Variants in LLGL2 observed in about 807,000 individuals in gnomAD.
LLGL2 encodes the protein LLGL scribble cell polarity complex component 2.
In LLGL2, 81 loss-of-function variants were observed where a neutral mutation model predicts 123.2. The observed-to-expected ratio is 0.66, with a 90% CI of 0.55 to 0.79. The LOEUF is 0.79. Among genes scored for constraint, LLGL2 ranks in the 30% least tolerant of loss-of-function variants. The pLI is 0.00. For missense variants in LLGL2, 1,273 were observed against 1,414.6 expected, an observed-to-expected ratio of 0.90 and a Z score of 1.61; for synonymous variants, 577 against 594.1, an observed-to-expected ratio of 0.97 and a Z score of 0.42.
intron 16 of LLGL2, 85 bp from the exon 17 acceptor site, chr17:75,570,865 C>G (rs181883261): frequency 2.0e-6 from 3 of 1,475,162 alleles, no homozygotes; most frequent in Middle Eastern, 4.7e-4. Flanking sequence ...GCCTGCCTTC[C>G]GATGCAAGGA....
At chr17:75,531,444 A>G (rs527443653) in intron 1 of LLGL2, among the ~76,000 whole-genome samples, 2 of 152,302 alleles carry the variant, frequency 1.3e-5, no homozygotes, top group Non-Finnish European at 2.9e-5. Flanking sequence ...CAAGAGACCA[A>G]TGTTCTTTCT....
intron 6 of LLGL2, chr17:75,562,518 G>A (rs566932569): frequency 5.6e-6 from 1 of 177,314 alleles, no homozygotes; most frequent in South Asian, 1.3e-4. Flanking sequence ...CCATGTCTCT[G>A]TCTTGTTCTA....
At position 75,572,148 on chromosome 17, in the gene LLGL2, G is replaced by A. The variant is rs531057106; in HGVS notation, c.2460+84G>A. ...GACCTTGGGCAAAAATGATGGCTGG[G>A]ACTCAGTCTTGTTTGCAGTTGGTGT... On this transcript the variant is annotated intron_variant, in intron 19 of 25. Coordinates refer to ENST00000392550, the MANE Select transcript of LLGL2 (RefSeq NM_001031803.2). 52 of 1,359,228 alleles carry A rather than the reference G, an allele frequency of 3.8e-5. 1 individual carries two copies. The South Asian group carries it at 6.3e-4, about 16-fold the overall frequency. The allele number at this position is 1,359,228 out of a possible 1,614,324, so 84.2% of individuals were successfully genotyped here.
intron 10 of LLGL2, among the ~76,000 whole-genome samples, chr17:75,566,965 G>C (rs1356015248): frequency 6.6e-6 from 1 of 152,160 alleles, no homozygotes; most frequent in Non-Finnish European, 1.5e-5. Flanking sequence ...TGATTTTGAG[G>C]TTTAAAGAAA....
At chr17:75,567,972 T>G (rs550418566) in intron 10 of LLGL2, 7 of 687,772 alleles carry the variant, frequency 1.0e-5, no homozygotes, top group East Asian at 1.4e-4. Context: ...AAAAGACAAA[T>G]GGTTTAATCA....
At position 75,556,904 on chromosome 17, in the gene LLGL2, C is replaced by A. The variant is rs569654929; in HGVS notation, c.173+761C>A. Among the ~76,000 whole-genome samples, 59 of 152,254 alleles carry A rather than the reference C, an allele frequency of 3.9e-4. No homozygotes were observed. The South Asian group carries it at 0.011, about 29-fold the overall frequency. On this transcript the variant is annotated intron_variant, in intron 3 of 25. Transcript: ENST00000392550. ...GTTATCAGGGCGTGGTGGCACATGC[C>A]TGTAATCCCAGCTACTTGGGAGGCT...
At chr17:75,565,225 CCT>C (rs2055394059) in intron 10 of LLGL2, among the ~76,000 whole-genome samples, 1 of 152,212 alleles carries the variant, frequency 6.6e-6, no homozygotes, top group Non-Finnish European at 1.5e-5. Context: ...CCGGCAGAGC[CCT>C]GAGTCAGCCT....
chr17:75,557,261 G>T (rs2054956965), intron 3 of LLGL2, among the ~76,000 whole-genome samples: 1 of 152,074 alleles, frequency 6.6e-6, no homozygotes, highest in Admixed American at 6.5e-5. Flanking sequence ...CAGAGATGGG[G>T]TGGCCTTGGG....
rs747913219 is a variant in LLGL2 at position 75,574,914 on chromosome 17, C to T, written c.*36C>T. 6.2e-7 allele frequency: 1 copy of T among 1,613,774 alleles called. No individual in the cohort carries two copies. The highest frequency in any genetic ancestry group is 1.3e-5 in the African/African-American group (1 of 74,942). ...GTCCAGGCTGCGCGATGAGCACACACTACTACTGATGGCCTTTCGGGGGTC... is the reference window on the plus strand; with the variant it reads ...GTCCAGGCTGCGCGATGAGCACACATTACTACTGATGGCCTTTCGGGGGTC... On this transcript the variant is annotated 3_prime_UTR_variant, in exon 26 of 26. Coordinates refer to ENST00000392550, the MANE Select transcript of LLGL2 (RefSeq NM_001031803.2).
In LLGL2 at chr17:75,544,444, A is replaced by G. The variant is rs2054336134; in HGVS notation, c.75+943A>G. Among the ~76,000 whole-genome samples the G allele has an allele frequency of 1.3e-5, 2 of 152,256 alleles. No individual in the cohort carries two copies. Among genetic ancestry groups the G allele is most frequent in the Non-Finnish European group, 2.9e-5 (2 of 68,054 alleles). On this transcript the variant is annotated intron_variant, in intron 2 of 25. Transcript: ENST00000392550. This position sits in a 1 kb window ranked among gnomAD's most constrained non-coding sequence, Gnocchi z 4.2. ...GAAAAGGGATGTCTCCCTGTGGAGA[A>G]TGAGGAAGTCTCTTTGGTTGTATTT... is the stretch of plus-strand genomic sequence containing the variant.
intron 10 of LLGL2, among the ~76,000 whole-genome samples, chr17:75,567,018 T>A (rs1598620429): frequency 6.6e-6 from 1 of 151,686 alleles, no homozygotes; most frequent in Admixed American, 6.6e-5. Flanking sequence ...GCTGCCCAGG[T>A]GGTAAGGAAG....
Position 75,573,503 on chromosome 17 carries a change from G to T in LLGL2, c.2748G>T (p.Ser916=). 1 of 1,611,612 alleles carries T rather than the reference G, an allele frequency of 6.2e-7. No homozygotes were observed. The highest frequency in any genetic ancestry group is 2.2e-5 in the East Asian group (1 of 44,814). Residue 916 remains serine, a synonymous_variant, in exon 21 of 26, where the codon TCG becomes TCT. Transcript: ENST00000392550. ...CAGGCTTCTACCTGATCTCACCCTC[G>T]GAGTTTGAGCGCTTCTCTCTCTCCA... ...YGQGFYLISP[S]EFERFSLSTK...
chr17:75,573,778 TG>T, intron 21 of LLGL2, 147 bp downstream of exon 21: 1 of 1,206,762 alleles, frequency 8.3e-7, no homozygotes, highest in Non-Finnish European at 1.2e-6. Context: ...CTTGCCTCTT[TG>T]CGTGCCCCTT....
intron 10 of LLGL2, among the ~76,000 whole-genome samples, chr17:75,567,389 G>C (rs545801525): frequency 6.6e-6 from 1 of 152,090 alleles, no homozygotes; most frequent in Non-Finnish European, 1.5e-5. Flanking sequence ...TCTTGAACCC[G>C]GGAGGCAGAG....
chr17:75,531,942 G>T (rs2053802780), intron 1 of LLGL2, among the ~76,000 whole-genome samples: 1 of 152,040 alleles, frequency 6.6e-6, no homozygotes. Context: ...CAGGAATTCG[G>T]CAGAGACTGG....
Position 75,558,562 on chromosome 17 carries a change from G to A in LLGL2, c.306G>A (p.Leu102=), listed in dbSNP as rs1598594169. ...ACAACAGCCTGCACCTTTGGAGCCT[G>A]AAGGTCAAGGGCGGGGCATCGGAGC... ...LDDNSLHLWS[L]KVKGGASELQ... is the part of the protein sequence containing the mutation. Residue 102 remains leucine, a synonymous_variant, in exon 5 of 26, where the codon CTG becomes CTA. Transcript: ENST00000392550. This position sits in a 1 kb window ranked among gnomAD's most constrained non-coding sequence, Gnocchi z 4.0. 6.2e-7 allele frequency: 1 copy of A among 1,611,658 alleles called. No individual in the cohort carries two copies. The highest frequency in any genetic ancestry group is 8.5e-7 in the Non-Finnish European group (1 of 1,179,090).
At chr17:75,571,133 G>T (rs779308607) in intron 17 of LLGL2, 33 bp downstream of exon 17, 9 of 1,513,274 alleles carry the variant, frequency 5.9e-6, no homozygotes, top group South Asian at 2.3e-5. Context: ...GGGGGCAGGG[G>T]GTAGTGGGCA....
chr17:75,567,870 G>A (rs2055510472), intron 10 of LLGL2: 1 of 173,594 alleles, frequency 5.8e-6, no homozygotes, highest in Non-Finnish European at 1.1e-5. Context: ...TGAACCTGGA[G>A]GTGGAGGTTG....
chr17:75,558,365 A>AC lies in LLGL2; in HGVS notation c.255+134dup. 8.7e-7 allele frequency: 1 copy of AC among 1,154,748 alleles called. No individual in the cohort carries two copies. The highest frequency in any genetic ancestry group is 1.4e-5 in the South Asian group (1 of 69,132). The allele number at this position is 1,154,748 out of a possible 1,614,324, so 71.5% of individuals were successfully genotyped here. A position where few individuals can be genotyped will look rare whatever the true frequency, so the allele number is the denominator to read the frequency against. ...TTTGCTGCTGATGGAAAGACCTGGG[A>AC]CCCCCTCCCTTTCCACAGCTGGGGC... On this transcript the variant is annotated intron_variant, in intron 4 of 25. Transcript: ENST00000392550. This position sits in a 1 kb window ranked among gnomAD's most constrained non-coding sequence, Gnocchi z 4.0.
Sources: gnomAD v4.1 joint callset for allele counts (sites outside exome capture counted in the v4.1 genomes callset) on GRCh38, gnomAD v4.1.1 for gene constraint, Gnocchi (gnomAD v3.1) non-coding constraint, MANE v1.5 for transcripts, NCBI Gene and HGNC (gene_info 2026-07-23, HGNC 2026-07-21) for gene names.